Variants in SUCLG2 observed in about 807,000 individuals in gnomAD.
SUCLG2 encodes the protein succinate--CoA ligase [GDP-forming] subunit beta, mitochondrial.
SUCLG2 carries 42 observed loss-of-function variants against 47.9 expected under a neutral mutation model. That is an observed-to-expected ratio of 0.88 (90% confidence interval 0.69 to 1.14). The LOEUF (loss-of-function observed/expected upper bound fraction) is 1.14. SUCLG2 is among the 50% of genes most tolerant of loss of function. The pLI is 0.00. For missense variants in SUCLG2, 571 were observed against 525.9 expected, an observed-to-expected ratio of 1.09 and a Z score of -0.84; for synonymous variants, 195 against 197.3, an observed-to-expected ratio of 0.99 and a Z score of 0.10.
At chr3:67,639,470 C>T (rs920447342) in intron 1 of SUCLG2, among the ~76,000 whole-genome samples, 3 of 139,512 alleles carry the variant, frequency 2.2e-5, no homozygotes, top group African/African-American at 3.4e-5. Context: ...GTGCTCCATC[C>T]GCATGGCCTC....
chr3:67,571,922 T>C (rs1483846723), intron 2 of SUCLG2, among the ~76,000 whole-genome samples: 1 of 152,194 alleles, frequency 6.6e-6, no homozygotes, highest in Non-Finnish European at 1.5e-5. Context: ...GGCTTCCTTG[T>C]GTGTCCATTT....
rs182854835 is a variant in SUCLG2, at chr3:67,581,994, G to A, written c.226+27461C>T. Among the ~76,000 whole-genome samples, 16 of 152,232 alleles carry A rather than the reference G, an allele frequency of 1.1e-4. No homozygotes were observed. In the East Asian group the frequency reaches 2.7e-3, roughly 26 times the overall value. On this transcript the variant is annotated intron_variant, in intron 2 of 10. Transcript: ENST00000307227. ...TACCCAAATTAAGAAGCCAAATTAG[G>A]AACTCTGTTTAGTTCTCAGGTTAAA...
intron 2 of SUCLG2, among the ~76,000 whole-genome samples, chr3:67,534,768 CAAAAAAAAA>C (rs60612549): frequency 0.019 from 648 of 34,910 alleles, 4 homozygotes; most frequent in South Asian, 0.033. Context: ...ACACTGATGG[CAAAAAAAAA>C]AAAAAAAAAA....
rs755302410 is a variant in SUCLG2, at chr3:67,508,934, C to T, written c.661-31G>A. On this transcript the variant is annotated intron_variant, in intron 6 of 10. Coordinates refer to ENST00000307227, the MANE Select transcript of SUCLG2 (RefSeq NM_003848.4). The stretch of plus-strand genomic sequence containing the variant: ...TGTGATCAAGTGAAATAGAATTACA[C>T]CAAAGCAGTAAAAGAAAATTTATTT... 2.0e-6 allele frequency: 3 copies of T among 1,494,870 alleles called. No individual in the cohort carries two copies. In the East Asian group the frequency reaches 7.0e-5, roughly 35 times the overall value. 92.6% of individuals were successfully genotyped at this position (1,494,870 alleles called of 1,614,324 possible).
chr3:67,500,251 G>A (rs918948622), intron 7 of SUCLG2, among the ~76,000 whole-genome samples: 2 of 152,124 alleles, frequency 1.3e-5, no homozygotes, highest in African/African-American at 4.8e-5. Context: ...GCATCTTGGC[G>A]TTAGAGACCC....
chr3:67,562,092 G>A (rs1449182289), intron 2 of SUCLG2, among the ~76,000 whole-genome samples: 3 of 152,078 alleles, frequency 2.0e-5, no homozygotes, highest in South Asian at 2.1e-4. Context: ...GAGGATGAAC[G>A]ACTACTGTAA....
At chr3:67,603,956 A>G (rs935041488) in intron 2 of SUCLG2, among the ~76,000 whole-genome samples, 4 of 152,176 alleles carry the variant, frequency 2.6e-5, no homozygotes, top group Admixed American at 2.6e-4. Flanking sequence ...TCCTAAGAAA[A>G]TTGTATGCAA....
At chr3:67,619,762 A>G (rs1277244245) in intron 1 of SUCLG2, among the ~76,000 whole-genome samples, 6 of 152,254 alleles carry the variant, frequency 3.9e-5, no homozygotes, top group Non-Finnish European at 7.3e-5. Flanking sequence ...AGTTTGCTGC[A>G]TAACTCTATA....
chr3:67,525,145 GGA>G (rs1190100188), intron 4 of SUCLG2, among the ~76,000 whole-genome samples: 1 of 152,046 alleles, frequency 6.6e-6, no homozygotes, highest in Non-Finnish European at 1.5e-5. Context: ...CCTAAAAGAA[GGA>G]GAGACATATC....
intron 2 of SUCLG2, among the ~76,000 whole-genome samples, chr3:67,583,191 G>A (rs908637256): frequency 2.6e-5 from 4 of 151,672 alleles, no homozygotes; most frequent in Non-Finnish European, 2.9e-5. Flanking sequence ...CACCATCTCT[G>A]GCCATGCCAC....
At chr3:67,472,816 G>C (rs1704636873) in intron 9 of SUCLG2, among the ~76,000 whole-genome samples, 1 of 152,132 alleles carries the variant, frequency 6.6e-6, no homozygotes, top group Non-Finnish European at 1.5e-5. Flanking sequence ...GGCTGGAGTG[G>C]GGATAATGAT....
chr3:67,514,761 G>T (rs981737858), intron 6 of SUCLG2, among the ~76,000 whole-genome samples: 17 of 152,174 alleles, frequency 1.1e-4, no homozygotes, highest in African/African-American at 3.9e-4. Context: ...AAGATCCTTG[G>T]ATGGAACACA....
chr3:67,369,633 A>G (rs556147573), intron 10 of SUCLG2, among the ~76,000 whole-genome samples: 3 of 152,308 alleles, frequency 2.0e-5, no homozygotes, highest in African/African-American at 7.2e-5. Flanking sequence ...TGTTTGGAAG[A>G]GCTGCACCAT....
intron 4 of SUCLG2, among the ~76,000 whole-genome samples, chr3:67,522,984 T>A (rs544540966): frequency 6.6e-6 from 1 of 152,144 alleles, no homozygotes; most frequent in South Asian, 2.1e-4. Flanking sequence ...GTATTTTTAG[T>A]AGAGACGGGG....
intron 1 of SUCLG2, among the ~76,000 whole-genome samples, chr3:67,644,219 G>T (rs1051455354): frequency 2.0e-5 from 3 of 151,848 alleles, no homozygotes; most frequent in Non-Finnish European, 2.9e-5. Flanking sequence ...GCCAAAAAGG[G>T]AAAGCAACCC....
rs371990124 is a variant in SUCLG2 at position 67,626,078 on chromosome 3, G to A, written c.85-16482C>T. ...TCTGTCGCCCAGGCTGGAGTGCAGT[G>A]GCGCCATCTCAGCTCACTGCAAGCT... On this transcript the variant is annotated intron_variant, in intron 1 of 10. Transcript: ENST00000307227. 1.1e-4 allele frequency among the ~76,000 whole-genome samples: 16 copies of A among 151,346 alleles called. No homozygotes were observed. The South Asian group carries it at 3.4e-3, about 32-fold the overall frequency.
intron 9 of SUCLG2, among the ~76,000 whole-genome samples, chr3:67,487,895 A>G (rs1267475958): frequency 6.6e-6 from 1 of 152,132 alleles, no homozygotes; most frequent in African/African-American, 2.4e-5. Context: ...GGTTCATGGC[A>G]TTATTTTAAA....
chr3:67,493,688 A>T (rs1705259814), intron 9 of SUCLG2, among the ~76,000 whole-genome samples: 1 of 152,132 alleles, frequency 6.6e-6, no homozygotes, highest in Admixed American at 6.6e-5. Flanking sequence ...ATTTTATTAC[A>T]ATCGTCTGTC....
chr3:67,609,501 A>T lies in SUCLG2; in HGVS notation c.180T>A (p.Phe60Leu), dbSNP rs1575813946. The part of the protein sequence containing the change: ...SDNGVRVQRF[F>L]VADTANEALE... ...GAGCTTCATTTGCAGTGTCTGCTAC[A>T]AAGAATCTTTGAACTCTCACTCCGT... The change falls in exon 2 of 11, where the codon TTT (phenylalanine) becomes TTA (leucine). Residue 60 changes from phenylalanine to leucine, a missense_variant. Phe to Leu is a conservative substitution (Grantham distance 22). Coordinates refer to ENST00000307227, the MANE Select transcript of SUCLG2 (RefSeq NM_003848.4). 6.2e-7 allele frequency: 1 copy of T among 1,613,650 alleles called. No homozygotes were observed. The highest frequency in any genetic ancestry group is 2.2e-5 in the East Asian group (1 of 44,878).
Sources: gnomAD v4.1 joint callset for allele counts (sites outside exome capture counted in the v4.1 genomes callset) on GRCh38, gnomAD v4.1.1 for gene constraint, MANE v1.5 for transcripts, NCBI Gene and HGNC (gene_info 2026-07-23, HGNC 2026-07-21) for gene names.